PEAK3: variants seen among roughly 807,000 people sequenced by gnomAD.
PEAK3 encodes the protein PEAK family member 3.
Under a neutral mutation model 13.3 loss-of-function variants are expected in PEAK3, and 15 were observed. That is an observed-to-expected ratio of 1.13 (90% confidence interval 0.75 to 1.73). PEAK3 has a LOEUF of 1.73. PEAK3 is among the 40% of genes most tolerant of loss of function. PEAK3 has a pLI of 0.00. For missense variants in PEAK3, 739 were observed against 690.2 expected (o/e 1.07, Z -0.79); for synonymous variants, 347 against 341.9 (o/e 1.01, Z -0.17).
In PEAK3 at chr19:2,276,065, C is replaced by T; in HGVS notation, c.1037G>A (p.Gly346Asp). ...GCTGCCCAGCTGCGGCGCGTGGGGG[C>T]CCGGGGATCCCGGGGGTCCAGGGGG... ...LQPPGPPGSP[G>D]PHAPQLGSLL... The change falls in exon 4 of 4, where the codon GGC becomes GAC. Residue 346 changes from glycine to aspartate, a missense_variant. Transcript: ENST00000342063. The T allele has an allele frequency of 2.7e-6, 4 of 1,457,946 alleles. No homozygotes were observed. The highest frequency in any genetic ancestry group is 2.7e-6 in the Non-Finnish European group (3 of 1,105,162). The allele number at this position is 1,457,946 out of a possible 1,614,324, so 90.3% of individuals were successfully genotyped here. A position where few individuals can be genotyped will look rare whatever the true frequency, so the allele number is the denominator to read the frequency against.
chr19:2,278,378 C>T (rs955460692), intron 3 of PEAK3, among the ~76,000 whole-genome samples: 7 of 122,830 alleles, frequency 5.7e-5, no homozygotes, highest in Non-Finnish European at 9.3e-5. Flanking sequence ...CCAGGCTGGT[C>T]TTGAACTCCT....
At chr19:2,278,542 G>A in intron 3 of PEAK3, 42 bp downstream of exon 3, 1 of 1,424,666 alleles carries the variant, frequency 7.0e-7, no homozygotes, top group Non-Finnish European at 9.2e-7. Flanking sequence ...CTAAGATGGG[G>A]CACTGGGGAC....
chr19:2,275,932 C>G lies in PEAK3; in HGVS notation c.1170G>C (p.Arg390=). 7.2e-7 allele frequency: 1 copy of G among 1,381,696 alleles called. No homozygotes were observed. The highest frequency in any genetic ancestry group is 9.3e-7 in the Non-Finnish European group (1 of 1,075,608). The allele number at this position is 1,381,696 out of a possible 1,614,324, so 85.6% of individuals were successfully genotyped here. Reference sequence around the variant, plus strand: ...GCAGCGCCTGCAGCGCGCCCCGCGTCCGGGACGCCGAGGGCCGCAAGCGGG... The same window carrying G: ...GCAGCGCCTGCAGCGCGCCCCGCGTGCGGGACGCCGAGGGCCGCAAGCGGG... ...QLTRLRPSAS[R]TRGALQALLW... Residue 390 remains arginine (R), a synonymous_variant, in exon 4 of 4, where the codon CGG becomes CGC. Coordinates refer to ENST00000342063, the MANE Select transcript of PEAK3 (RefSeq NM_198532.3).
chr19:2,277,207 C>G (rs890118954), intron 3 of PEAK3, among the ~76,000 whole-genome samples: 2 of 152,078 alleles, frequency 1.3e-5, no homozygotes, highest in African/African-American at 4.8e-5. Context: ...GTGTCCCCAC[C>G]AAATCTCATT....
chr19:2,279,404 T>C (rs1322153230), intron 2 of PEAK3, among the ~76,000 whole-genome samples: 1 of 151,988 alleles, frequency 6.6e-6, no homozygotes, highest in African/African-American at 2.4e-5. Flanking sequence ...TGCCTGTAAT[T>C]CCAGCACTTT....
chr19:2,275,649 CT>C lies in PEAK3; in HGVS notation c.*30del. ...CCCCAGCCCTGCCTCCTGGGCAGGC[CT>C]GGACCAGGTGTGTTCGCCCTGGGTT... On this transcript the variant is annotated 3_prime_UTR_variant, in exon 4 of 4. Coordinates refer to ENST00000342063, the MANE Select transcript of PEAK3 (RefSeq NM_198532.3). 7.1e-7 allele frequency: 1 copy of C among 1,402,304 alleles called. No homozygotes were observed. Among genetic ancestry groups the C allele is most frequent in the Non-Finnish European group, 9.3e-7 (1 of 1,074,110 alleles). 86.9% of individuals were successfully genotyped at this position (1,402,304 alleles called of 1,614,324 possible). A position where few individuals can be genotyped will look rare whatever the true frequency, so the allele number is the denominator to read the frequency against.
chr19:2,280,851 A>G lies in PEAK3; in HGVS notation c.81T>C (p.Leu27=), dbSNP rs750314161. 7.5e-6 allele frequency: 12 copies of G among 1,605,836 alleles called. No individual in the cohort carries two copies. Among genetic ancestry groups the G allele is most frequent in the Middle Eastern group, 3.5e-4 (2 of 5,678 alleles). The change falls in exon 2 of 4, where the codon CTT becomes CTC. Residue 27 remains leucine, a splice_region_variant and synonymous_variant. Coordinates refer to ENST00000342063, the MANE Select transcript of PEAK3 (RefSeq NM_198532.3). Reference sequence around the variant, plus strand: ...AGGGCTCCCTGGGGAGCTGCTTACCAAGGTTGCTATACGTGGGCTGAGTCG... The same window carrying G: ...AGGGCTCCCTGGGGAGCTGCTTACCGAGGTTGCTATACGTGGGCTGAGTCG... The part of the protein sequence containing the change: ...TWSTQPTYSN[L]GQIRAHLLPS...
At chr19:2,277,456 C>T (rs1599157894) in intron 3 of PEAK3, among the ~76,000 whole-genome samples, 3 of 152,238 alleles carry the variant, frequency 2.0e-5, no homozygotes, top group African/African-American at 7.2e-5. Context: ...TGAGGCCTCC[C>T]CAGAAGCAGA....
rs2025390364 is a variant in PEAK3, at chr19:2,276,395, A to T, written c.707T>A (p.Leu236Gln). The change falls in exon 4 of 4, where the codon CTG becomes CAG. Residue 236 changes from leucine (L) to glutamine (Q), a missense_variant. Physicochemically the swap from Leu to Gln is moderately radical, Grantham distance 113. Transcript: ENST00000342063. ...CCCGGGCAGTGTGCCTTCAGGCACC[A>T]GGCCACACAGCCCCTGCAGATTGAA... ...PHFNLQGLCGLVPEGTLPGAP... is the reference protein window; with the variant it reads ...PHFNLQGLCGQVPEGTLPGAP... The T allele has an allele frequency of 1.9e-6, 3 of 1,599,984 alleles. No homozygotes were observed. The highest frequency in any genetic ancestry group is 2.5e-6 in the Non-Finnish European group (3 of 1,178,620).
intron 2 of PEAK3, among the ~76,000 whole-genome samples, chr19:2,279,988 A>G (rs191334628): frequency 6.7e-6 from 1 of 148,336 alleles, no homozygotes; most frequent in Non-Finnish European, 1.5e-5. Flanking sequence ...TCCTGACCTC[A>G]GGTGATCTGC....
Position 2,275,993 on chromosome 19 carries a change from A to G in PEAK3, c.1109T>C (p.Leu370Ser), listed in dbSNP as rs2025382246. The change falls in exon 4 of 4, where the codon TTG becomes TCG. Residue 370 changes from leucine to serine, a missense_variant. Leu to Ser is a moderately radical substitution (Grantham distance 145). Coordinates refer to ENST00000342063, the MANE Select transcript of PEAK3 (RefSeq NM_198532.3). ...LSLAAPSTTP[L>S]AAGLELLAAQ... Reference sequence around the variant, plus strand: ...TGCCAGGAGCTCCAGGCCCGCGGCCAAAGGCGTGGTCGAGGGCGCAGCAAG... The same window carrying G: ...TGCCAGGAGCTCCAGGCCCGCGGCCGAAGGCGTGGTCGAGGGCGCAGCAAG... 4 of 1,411,890 alleles carry G rather than the reference A, an allele frequency of 2.8e-6. No individual in the cohort carries two copies. Among genetic ancestry groups the G allele is most frequent in the Non-Finnish European group, 3.7e-6 (4 of 1,088,936 alleles). 87.5% of individuals were successfully genotyped at this position (1,411,890 alleles called of 1,614,324 possible). A position where few individuals can be genotyped will look rare whatever the true frequency, so the allele number is the denominator to read the frequency against.
intron 3 of PEAK3, 98 bp from the exon 4 acceptor site, chr19:2,276,587 C>T: frequency 1.9e-6 from 2 of 1,026,480 alleles, no homozygotes; most frequent in Non-Finnish European, 2.7e-6. Flanking sequence ...CACGCACACC[C>T]CCAAACTGCC....
intron 1 of PEAK3, among the ~76,000 whole-genome samples, chr19:2,281,311 C>T (rs2025437054): frequency 8.4e-6 from 1 of 118,672 alleles, no homozygotes; most frequent in African/African-American, 3.4e-5. Flanking sequence ...TTGCTGCCCT[C>T]TCTGGGCCCC....
At position 2,274,815 on chromosome 19, in the gene PEAK3, AC is replaced by A. The variant is rs1310866566; in HGVS notation, c.*864del. 1.3e-5 allele frequency: 2 copies of A among 150,716 alleles called. No homozygotes were observed. The highest frequency in any genetic ancestry group is 3.0e-5 in the Non-Finnish European group (2 of 67,738). The allele number at this position is 150,716 out of a possible 1,614,324, so 9.3% of individuals were successfully genotyped here. A position where few individuals can be genotyped will look rare whatever the true frequency, so the allele number is the denominator to read the frequency against. On this transcript the variant is annotated 3_prime_UTR_variant, in exon 4 of 4. Coordinates refer to ENST00000342063, the MANE Select transcript of PEAK3 (RefSeq NM_198532.3). ...GAGAAACCCCGTCTCTACTAAAAAT[AC>A]AAAAAATTAGCCGGGCGTGGTGGCG...
intron 3 of PEAK3, among the ~76,000 whole-genome samples, chr19:2,276,935 C>T (rs2025395815): frequency 6.6e-6 from 1 of 152,192 alleles, no homozygotes; most frequent in South Asian, 2.1e-4. Context: ...TCGCTTGAGC[C>T]CGGGAGGTGG....
intron 3 of PEAK3, among the ~76,000 whole-genome samples, chr19:2,278,023 C>T (rs566619988): frequency 1.3e-3 from 201 of 151,956 alleles, no homozygotes; most frequent in Admixed American, 1.9e-3. Flanking sequence ...ACCACCACGC[C>T]CGGCTAATTT....
At chr19:2,280,743 G>A in intron 2 of PEAK3, 107 bp downstream of exon 2, 1 of 857,028 alleles carries the variant, frequency 1.2e-6, no homozygotes, top group Non-Finnish European at 1.8e-6. Context: ...CAGAGGCCAT[G>A]GTGCCCGGCA....
In PEAK3 at chr19:2,278,799, C is replaced by A; in HGVS notation, c.397G>T (p.Ala133Ser). 2 of 1,588,474 alleles carry A rather than the reference C, an allele frequency of 1.3e-6. No homozygotes were observed. The highest frequency in any genetic ancestry group is 1.8e-5 in the Admixed American group (1 of 55,812). Residue 133 changes from alanine (A) to serine (S), a missense_variant, in exon 3 of 4, where the codon GCT (alanine) becomes TCT (serine). Physicochemically the swap from Ala to Ser is moderately conservative, Grantham distance 99. Coordinates refer to ENST00000342063, the MANE Select transcript of PEAK3 (RefSeq NM_198532.3). ...LSLRDLHSPE[A>S]VHTALAARQL... ...CGCGCAGCCAGTGCAGTGTGCACAG[C>A]CTCCGGGCTGTGCAGATCGCGGAGG...
chr19:2,278,426 G>C (rs1046864038), intron 3 of PEAK3, among the ~76,000 whole-genome samples, 158 bp downstream of exon 3: 10 of 152,204 alleles, frequency 6.6e-5, no homozygotes, highest in Middle Eastern at 3.2e-3. Flanking sequence ...CTCCCAAAGT[G>C]CTGGGATGAC....
Sources: gnomAD v4.1 joint callset for allele counts (sites outside exome capture counted in the v4.1 genomes callset) on GRCh38, gnomAD v4.1.1 for gene constraint, MANE v1.5 for transcripts, NCBI Gene and HGNC (gene_info 2026-07-23, HGNC 2026-07-21) for gene names.